Variants in PRMT8 observed in about 807,000 individuals in gnomAD.
PRMT8 encodes the protein protein arginine methyltransferase 8, also known as protein arginine N-methyltransferase 8.
A neutral mutation model predicts 47.1 loss-of-function variants in PRMT8; 7 were observed. The ratio of observed to expected loss-of-function variants is 0.15; its 90% CI spans 0.08 to 0.28. The LOEUF is 0.28. Among genes scored for constraint, PRMT8 ranks in the 10% least tolerant of loss-of-function variants. PRMT8 has a pLI of 1.00. For synonymous variants in PRMT8, 188 were observed against 186.5 expected (o/e 1.01, Z -0.07); for missense variants, 237 against 505.4 (o/e 0.47, Z 5.09).
intron 1 of PRMT8, among the ~76,000 whole-genome samples, chr12:3,534,983 T>C (rs1323138921): frequency 6.6e-6 from 1 of 152,254 alleles, no homozygotes; most frequent in Non-Finnish European, 1.5e-5. Context: ...ATGGTGTCTA[T>C]CTATAAAGTG....
intron 1 of PRMT8, among the ~76,000 whole-genome samples, chr12:3,526,953 A>G (rs1441448486): frequency 6.6e-6 from 1 of 152,136 alleles, no homozygotes; most frequent in Non-Finnish European, 1.5e-5. Context: ...TCTGCCTTTT[A>G]ATTGAAGTGT....
chr12:3,493,401 G>C lies in PRMT8; in HGVS notation c.75+1701G>C, dbSNP rs373446396. On this transcript the variant is annotated intron_variant, in intron 1 of 9. Transcript: ENST00000382622. The surrounding 1 kb of genome is among the most constrained non-coding windows in gnomAD (Gnocchi z 8.2). Reference sequence around the variant, plus strand: ...GCCGCGCTTCTGTGAAGTGTGGAGCGAGCGGGCACGTAGCGGTCTCTGCCA... The same window carrying C: ...GCCGCGCTTCTGTGAAGTGTGGAGCCAGCGGGCACGTAGCGGTCTCTGCCA... 9.2e-5 allele frequency among the ~76,000 whole-genome samples: 14 copies of C among 152,158 alleles called. No homozygotes were observed. The highest frequency in any genetic ancestry group is 3.4e-4 in the African/African-American group (14 of 41,498).
chr12:3,396,609 T>A (rs898168398), intron 1 of PRMT8, among the ~76,000 whole-genome samples: 7 of 152,068 alleles, frequency 4.6e-5, no homozygotes, highest in Non-Finnish European at 7.4e-5. Context: ...CTTCCCTTTG[T>A]GGGTAACCCG....
chr12:3,540,620 C>CA lies in PRMT8; in HGVS notation c.90_91insA (p.Ser31IlefsTer11). 13 of 1,231,738 alleles carry CA rather than the reference C, an allele frequency of 1.1e-5. No homozygotes were observed. Among genetic ancestry groups the CA allele is most frequent in the Middle Eastern group, 1.9e-4 (1 of 5,240 alleles). The allele number at this position is 1,231,738 out of a possible 1,614,324, so 76.3% of individuals were successfully genotyped here. Reference sequence around the variant, plus strand: ...CTTCCCCTCAGGTGAACAGCCCCCCCTCCCAGCCCCCCCAGCCCGTCGTCC... The same window carrying CA: ...CTTCCCCTCAGGTGAACAGCCCCCCCATCCCAGCCCCCCCAGCCCGTCGTCC... On this transcript the variant is annotated frameshift_variant, in exon 2 of 10. Coordinates refer to ENST00000382622, the MANE Select transcript of PRMT8 (RefSeq NM_019854.5). LOFTEE classifies it high-confidence loss of function.
intron 1 of PRMT8, among the ~76,000 whole-genome samples, chr12:3,460,899 G>T (rs897603049): frequency 3.3e-5 from 5 of 152,182 alleles, no homozygotes; most frequent in Non-Finnish European, 5.9e-5. Context: ...AAGAGATTTT[G>T]AGCATCACAG....
At chr12:3,511,123 T>C (rs1865706890) in intron 1 of PRMT8, among the ~76,000 whole-genome samples, 1 of 152,150 alleles carries the variant, frequency 6.6e-6, no homozygotes, top group South Asian at 2.1e-4. Context: ...TACATTTTGC[T>C]CTTATAACCT....
Position 3,381,367 on chromosome 12 carries a change from CTTGCTGT to C in PRMT8, c.-24_-18del, listed in dbSNP as rs1864089834. 4.6e-6 allele frequency: 7 copies of C among 1,535,382 alleles called. No individual in the cohort carries two copies. The East Asian group carries it at 1.7e-4, about 38-fold the overall frequency. ...GAGCCTGATTTCTGCACCAGGGAGG[CTTGCTGT>C]TTGAATGTGTGCCAGGTTGAATGGA... On this transcript the variant is annotated 5_prime_UTR_variant, in exon 1 of 10. Transcript: ENST00000452611.
Position 3,583,021 on chromosome 12 carries a change from G to A in PRMT8, c.829-37G>A, listed in dbSNP as rs774751731. On this transcript the variant is annotated intron_variant, in intron 7 of 9. Coordinates refer to ENST00000382622, the MANE Select transcript of PRMT8 (RefSeq NM_019854.5). The surrounding 1 kb of genome is among the most constrained non-coding windows in gnomAD (Gnocchi z 4.7). Reference sequence around the variant, plus strand: ...ACCGGGACCCAGACTTGGTGGAGGCGATAAGTTCCCGGCATTCTCTCTTCT... The same window carrying A: ...ACCGGGACCCAGACTTGGTGGAGGCAATAAGTTCCCGGCATTCTCTCTTCT... 1.9e-5 allele frequency: 31 copies of A among 1,599,064 alleles called. No homozygotes were observed. Among genetic ancestry groups the A allele is most frequent in the East Asian group, 4.5e-5 (2 of 44,534 alleles).
At position 3,566,914 on chromosome 12, in the gene PRMT8, C is replaced by A. The variant is rs1208437701; in HGVS notation, c.482-1792C>A. 6.6e-6 allele frequency among the ~76,000 whole-genome samples: 1 copy of A among 152,218 alleles called. No homozygotes were observed. Among genetic ancestry groups the A allele is most frequent in the Non-Finnish European group, 1.5e-5 (1 of 68,042 alleles). On this transcript the variant is annotated intron_variant, in intron 4 of 9. Coordinates refer to ENST00000382622, the MANE Select transcript of PRMT8 (RefSeq NM_019854.5). This position sits in a 1 kb window ranked among gnomAD's most constrained non-coding sequence, Gnocchi z 4.7. ...CCAATACATCAGCCTGCCAATTTAACAGTGGTATCTAAACTAGCTTGCTCA... is the reference window on the plus strand; with the variant it reads ...CCAATACATCAGCCTGCCAATTTAAAAGTGGTATCTAAACTAGCTTGCTCA...
intron 1 of PRMT8, among the ~76,000 whole-genome samples, chr12:3,427,390 A>T (rs1284985471): frequency 2.0e-5 from 3 of 152,176 alleles, no homozygotes; most frequent in Non-Finnish European, 4.4e-5. Context: ...CAGTTCACAG[A>T]AAAACTGGAT....
chr12:3,406,027 G>C (rs185765253), intron 1 of PRMT8, among the ~76,000 whole-genome samples: 1 of 152,354 alleles, frequency 6.6e-6, no homozygotes, highest in Non-Finnish European at 1.5e-5. Flanking sequence ...ACTTCTGCCT[G>C]GACATTCAGG....
chr12:3,440,081 C>G (rs1395244271), intron 1 of PRMT8, among the ~76,000 whole-genome samples: 3 of 152,190 alleles, frequency 2.0e-5, no homozygotes, highest in Non-Finnish European at 4.4e-5. Flanking sequence ...ATATAATGGT[C>G]TTTACATGGG....
At chr12:3,547,768 A>G (rs1437733194) in intron 2 of PRMT8, among the ~76,000 whole-genome samples, 1 of 152,270 alleles carries the variant, frequency 6.6e-6, no homozygotes, top group Non-Finnish European at 1.5e-5. Flanking sequence ...TGAAAGATCT[A>G]CATAAATGGA....
chr12:3,590,278 G>GTCAACATTTGATCAACTGA (rs1432127983), intron 8 of PRMT8, among the ~76,000 whole-genome samples: 2 of 152,216 alleles, frequency 1.3e-5, no homozygotes, highest in African/African-American at 4.8e-5. Context: ...ATTTGATCAA[G>GTCAACATTTGATCAACTGA]CCAGTTCATT....
chr12:3,532,744 C>T, intron 1 of PRMT8, among the ~76,000 whole-genome samples: 1 of 151,556 alleles, frequency 6.6e-6, no homozygotes, highest in Non-Finnish European at 1.5e-5. Flanking sequence ...TTACTCTAGA[C>T]CAGTGGTTTT....
chr12:3,494,769 C>T (rs768572543), intron 1 of PRMT8, among the ~76,000 whole-genome samples: 16 of 152,210 alleles, frequency 1.1e-4, no homozygotes, highest in Non-Finnish European at 1.8e-4. Context: ...ATCAACATCA[C>T]GTGCTTGCTG....
chr12:3,470,286 G>A (rs893787386), intron 1 of PRMT8, among the ~76,000 whole-genome samples: 1 of 152,178 alleles, frequency 6.6e-6, no homozygotes, highest in South Asian at 2.1e-4. Flanking sequence ...AGTCCTCTGG[G>A]CATCCAGGGC....
Position 3,552,388 on chromosome 12 carries a change from T to G in PRMT8, c.418-1263T>G. On this transcript the variant is annotated intron_variant, in intron 3 of 9. Transcript: ENST00000382622. This position sits in a 1 kb window ranked among gnomAD's most constrained non-coding sequence, Gnocchi z 4.5. ...CTGAGTTTACCCTCACACACTCACGTGCATTGGGGGCTTCGACTTCTCTCG... is the reference window on the plus strand; with the variant it reads ...CTGAGTTTACCCTCACACACTCACGGGCATTGGGGGCTTCGACTTCTCTCG... The G allele has an allele frequency of 4.9e-6, 1 of 203,172 alleles. No individual in the cohort carries two copies. The highest frequency in any genetic ancestry group is 1.0e-5 in the Non-Finnish European group (1 of 97,918). 12.6% of individuals were successfully genotyped at this position (203,172 alleles called of 1,614,324 possible).
At chr12:3,394,177 C>A (rs945293038) in intron 1 of PRMT8, among the ~76,000 whole-genome samples, 3 of 150,572 alleles carry the variant, frequency 2.0e-5, no homozygotes, top group African/African-American at 7.3e-5. Context: ...TTGACTTCCT[C>A]TTTTCCTAAT....
Sources: allele counts gnomAD v4.1 joint callset (sites outside exome capture counted in the v4.1 genomes callset), GRCh38; gene constraint gnomAD v4.1.1; non-coding constraint Gnocchi (gnomAD v3.1); transcripts MANE v1.5; gene names NCBI Gene and HGNC (gene_info 2026-07-23, HGNC 2026-07-21).